Variants in SMYD4 observed in about 807,000 individuals in gnomAD.
SMYD4 encodes the protein SET and MYND domain containing 4, also known as protein-lysine N-methyltransferase SMYD4.
Under a neutral mutation model 72.8 loss-of-function variants are expected in SMYD4, and 68 were observed. The ratio of observed to expected loss-of-function variants is 0.93; its 90% CI spans 0.77 to 1.14. SMYD4 has a LOEUF of 1.14. Ranked by LOEUF, SMYD4 falls within the 50% of genes most tolerant of loss-of-function variation. SMYD4 has a pLI of 0.00. For missense variants in SMYD4, 984 were observed against 1,003.7 expected (o/e 0.98, Z 0.27); for synonymous variants, 407 against 388.6 (o/e 1.05, Z -0.56).
chr17:1,800,899 GGTCT>G lies in SMYD4; in HGVS notation c.491_494del (p.Gln164ProfsTer15). 6.2e-7 allele frequency: 1 copy of G among 1,614,176 alleles called. No individual in the cohort carries two copies. Among genetic ancestry groups the G allele is most frequent in the Non-Finnish European group, 8.5e-7 (1 of 1,180,032 alleles). On this transcript the variant is annotated frameshift_variant, in exon 5 of 11. Transcript: ENST00000305513. LOFTEE classifies it high-confidence loss of function. The stretch of plus-strand genomic sequence containing the variant: ...TGAAGTTCCTTTCAAGATCACTGAT[GGTCT>G]GGCTTGCCTCCTGCAGTCTCCCCAG...
rs186713614 is a variant in SMYD4 at position 1,806,665 on chromosome 17, T to C, written c.280-1950A>G. Among the ~76,000 whole-genome samples, 15 of 152,318 alleles carry C rather than the reference T, an allele frequency of 9.8e-5. 1 individual carries two copies. The East Asian group carries it at 2.7e-3, about 27-fold the overall frequency. The stretch of plus-strand genomic sequence containing the variant: ...TAAAATTGATGGCACACAGAGTTGG[T>C]CAAGAAGTGGGATGATGGGTATCCT... On this transcript the variant is annotated intron_variant, in intron 3 of 10. Coordinates refer to ENST00000305513, the MANE Select transcript of SMYD4 (RefSeq NM_052928.3).
intron 2 of SMYD4, among the ~76,000 whole-genome samples, chr17:1,819,850 C>T (rs8069297): frequency 0.65 from 98,916 of 152,032 alleles, 33,908 homozygotes; most frequent in Non-Finnish European, 0.79. Flanking sequence ...TGCAGTGGCA[C>T]GATCCTGGTT....
intron 2 of SMYD4, among the ~76,000 whole-genome samples, chr17:1,826,470 C>A (rs1002439050): frequency 3.8e-5 from 4 of 106,630 alleles, no homozygotes; most frequent in Non-Finnish European, 7.2e-5. Context: ...CCAGCCTGGG[C>A]AACAAGAGCA....
rs868062680 is a variant in SMYD4 at position 1,814,280 on chromosome 17, G to A, written c.135-2165C>T. On this transcript the variant is annotated intron_variant, in intron 2 of 10. Transcript: ENST00000305513. ...GGAGGGCCCCACTGCATTCAAGCCT[G>A]GGTGACAGGGCAAGGCCCTGTCTCA... is the stretch of plus-strand genomic sequence containing the variant. 3.3e-5 allele frequency among the ~76,000 whole-genome samples: 5 copies of A among 152,260 alleles called. No homozygotes were observed. In the South Asian group the frequency reaches 6.2e-4, roughly 19 times the overall value.
intron 2 of SMYD4, among the ~76,000 whole-genome samples, chr17:1,816,692 C>T (rs1296495602): frequency 6.6e-6 from 1 of 151,370 alleles, no homozygotes; most frequent in Non-Finnish European, 1.5e-5. Context: ...AGTAGCTATT[C>T]TGCACTCTAA....
At chr17:1,795,724 G>A (rs981535100) in intron 5 of SMYD4, among the ~76,000 whole-genome samples, 3 of 146,854 alleles carry the variant, frequency 2.0e-5, no homozygotes, top group African/African-American at 7.8e-5. Flanking sequence ...TTACACGCAT[G>A]AGCCACTGTG....
chr17:1,819,639 A>G (rs1216648784), intron 2 of SMYD4, among the ~76,000 whole-genome samples: 3 of 152,166 alleles, frequency 2.0e-5, no homozygotes, highest in Admixed American at 2.0e-4. Flanking sequence ...ATTCCATCAC[A>G]CTAGGGGTTA....
rs765594136 is a variant in SMYD4, at chr17:1,799,869, T to C, written c.1525A>G (p.Ile509Val). 9.4e-6 allele frequency: 15 copies of C among 1,599,902 alleles called. No homozygotes were observed. The highest frequency in any genetic ancestry group is 9.4e-5 in the African/African-American group (7 of 74,770). The change falls in exon 5 of 11, where the codon ATA (isoleucine) becomes GTA (valine). Residue 509 changes from isoleucine (I) to valine (V), a missense_variant. By Grantham distance (29) the Ile-to-Val change is conservative. Transcript: ENST00000305513. ...LQCNAQAMTT[I>V]QHTGPKGSIV... is the part of the protein sequence containing the mutation. ...GGTTCCCTCTTACCTGTGTGTTGTATGGTGGTCATCGCCTGAGCGTTACAC... is the reference window on the plus strand; with the variant it reads ...GGTTCCCTCTTACCTGTGTGTTGTACGGTGGTCATCGCCTGAGCGTTACAC...
chr17:1,812,340 G>A (rs1028684963), intron 2 of SMYD4, among the ~76,000 whole-genome samples: 1 of 152,040 alleles, frequency 6.6e-6, no homozygotes, highest in Non-Finnish European at 1.5e-5. Context: ...AGGCTGGAGT[G>A]CCGTGGTGCC....
Position 1,800,470 on chromosome 17 carries a change from CG to C in SMYD4, c.923del (p.Pro308ArgfsTer45), listed in dbSNP as rs767603917. 4 of 1,614,150 alleles carry C rather than the reference CG, an allele frequency of 2.5e-6. No homozygotes were observed. The highest frequency in any genetic ancestry group is 2.7e-5 in the African/African-American group (2 of 75,038). ...RCLKHTLATV[P>X]CDGCSYAKYC... ...ACTTGGCATAACTGCATCCGTCACA[CG>C]GAACTGTGGCCAAAGTGTGCTTCAA... is the stretch of plus-strand genomic sequence containing the variant. On this transcript the variant is annotated frameshift_variant, in exon 5 of 11. Coordinates refer to ENST00000305513, the MANE Select transcript of SMYD4 (RefSeq NM_052928.3). LOFTEE classifies it high-confidence loss of function.
At chr17:1,788,571 C>T (rs1908830980) in intron 5 of SMYD4, among the ~76,000 whole-genome samples, 1 of 151,468 alleles carries the variant, frequency 6.6e-6, no homozygotes, top group Non-Finnish European at 1.5e-5. Flanking sequence ...CGGTGAAATC[C>T]CGTCTCTACT....
chr17:1,829,487 G>A (rs1184298146), intron 1 of SMYD4: 4 of 152,302 alleles, frequency 2.6e-5, no homozygotes, highest in Admixed American at 6.5e-5. Flanking sequence ...CTACCTGGAG[G>A]TGGGGTTACT....
intron 2 of SMYD4, among the ~76,000 whole-genome samples, chr17:1,825,234 GAAAA>G (rs1911103435): frequency 6.6e-6 from 1 of 151,922 alleles, no homozygotes; most frequent in South Asian, 2.1e-4. Context: ...TGTCCACCTG[GAAAA>G]AAAGTGAGAA....
intron 1 of SMYD4, chr17:1,829,248 C>T (rs1276010972): frequency 6.6e-6 from 1 of 152,484 alleles, no homozygotes; most frequent in African/African-American, 2.4e-5. Context: ...TGCATGCACC[C>T]TTGCATACTG....
In SMYD4 at chr17:1,829,858, A is replaced by C. The variant is rs1911443877; in HGVS notation, c.-145T>G. ...CCCTTGGCGCCCCGCTCCGCCCCGC[A>C]CCGCGTCCGGCGTCCCGCGCCAGGC... is the stretch of plus-strand genomic sequence containing the variant. On this transcript the variant is annotated 5_prime_UTR_variant, in exon 1 of 11. Coordinates refer to ENST00000305513, the MANE Select transcript of SMYD4 (RefSeq NM_052928.3). 1 of 337,884 alleles carries C rather than the reference A, an allele frequency of 3.0e-6. No homozygotes were observed. Among genetic ancestry groups the C allele is most frequent in the African/African-American group, 2.2e-5 (1 of 46,174 alleles). 20.9% of individuals were successfully genotyped at this position (337,884 alleles called of 1,614,324 possible). A position where few individuals can be genotyped will look rare whatever the true frequency, so the allele number is the denominator to read the frequency against.
chr17:1,783,209 G>A, intron 9 of SMYD4, 51 bp from the exon 10 acceptor site: 2 of 1,613,432 alleles, frequency 1.2e-6, no homozygotes, highest in Non-Finnish European at 1.7e-6. Flanking sequence ...GTCAACTGTG[G>A]ATGCATATTT....
Position 1,781,399 on chromosome 17 carries a change from C to T in SMYD4, c.2302G>A (p.Glu768Lys). Residue 768 changes from glutamate to lysine, a missense_variant, in exon 11 of 11, where the codon GAG becomes AAG. By Grantham distance (56) the Glu-to-Lys change is moderately conservative. Coordinates refer to ENST00000305513, the MANE Select transcript of SMYD4 (RefSeq NM_052928.3). Reference sequence around the variant, plus strand: ...CCACAGTGCAGCGACAGAACCTCCTCAGCTTTCTGTATTGTGCTCAGGGCT... The same window carrying T: ...CCACAGTGCAGCGACAGAACCTCCTTAGCTTTCTGTATTGTGCTCAGGGCT... The part of the protein sequence containing the change: ...PEALSTIQKA[E>K]EVLSLHCGPW... 1.9e-6 allele frequency: 3 copies of T among 1,614,132 alleles called. No individual in the cohort carries two copies. The highest frequency in any genetic ancestry group is 1.1e-5 in the South Asian group (1 of 91,074).
chr17:1,817,862 A>C (rs1373374519), intron 2 of SMYD4, among the ~76,000 whole-genome samples: 2 of 151,954 alleles, frequency 1.3e-5, no homozygotes, highest in African/African-American at 2.4e-5. Context: ...CCTGGCTAAC[A>C]TGGTGAAACC....
chr17:1,789,495 G>C (rs980963169), intron 5 of SMYD4, among the ~76,000 whole-genome samples: 2 of 152,008 alleles, frequency 1.3e-5, no homozygotes, highest in Non-Finnish European at 2.9e-5. Context: ...CAGGTGCAGA[G>C]GCTCACGCCT....
Sources: gnomAD v4.1 joint callset for allele counts (sites outside exome capture counted in the v4.1 genomes callset) on GRCh38, gnomAD v4.1.1 for gene constraint, MANE v1.5 for transcripts, NCBI Gene and HGNC (gene_info 2026-07-23, HGNC 2026-07-21) for gene names.